The following KIR3DL2 variants were observed in gnomAD, a reference collection of about 807,000 sequenced individuals.
KIR3DL2 encodes killer cell immunoglobulin like receptor, three Ig domains and long cytoplasmic tail 2.
KIR3DL2 carries 42 observed loss-of-function variants against 41.6 expected under a neutral mutation model. The ratio of observed to expected loss-of-function variants is 1.01; its 90% CI spans 0.79 to 1.31. The LOEUF is 1.31. KIR3DL2 is among the 50% of genes most tolerant of loss of function. The pLI is 0.00. For missense variants in KIR3DL2, 728 were observed against 576.8 expected, an observed-to-expected ratio of 1.26 and a Z score of -2.68; for synonymous variants, 230 against 221.3, an observed-to-expected ratio of 1.04 and a Z score of -0.35.
intron 2 of KIR3DL2, 49 bp from the exon 3 acceptor site, chr19:54,851,949 G>T (rs1362048528): frequency 6.3e-7 from 1 of 1,591,382 alleles, no homozygotes; most frequent in East Asian, 2.3e-5. Flanking sequence ...AGGGAGGGAG[G>T]GGTGGCTCCA....
intron 6 of KIR3DL2, among the ~76,000 whole-genome samples, chr19:54,861,519 C>T (rs2065181601): frequency 6.6e-6 from 1 of 151,586 alleles, no homozygotes; most frequent in South Asian, 2.1e-4. Context: ...GATGGTGGTG[C>T]ATGACTGTAA....
At chr19:54,864,300 A>T (rs1276377615) in intron 6 of KIR3DL2, among the ~76,000 whole-genome samples, 2 of 152,228 alleles carry the variant, frequency 1.3e-5, no homozygotes, top group South Asian at 4.1e-4. Flanking sequence ...TGATGCCTCC[A>T]GCTTTGTTCT....
chr19:54,859,329 G>T (rs1164535907), intron 6 of KIR3DL2, among the ~76,000 whole-genome samples, 200 bp downstream of exon 6: 1 of 152,018 alleles, frequency 6.6e-6, no homozygotes, highest in Non-Finnish European at 1.5e-5. Context: ...TTAATTTCCT[G>T]CAGGTGAGAC....
At chr19:54,851,964 C>T (rs770813110) in intron 2 of KIR3DL2, 34 bp from the exon 3 acceptor site, 23 of 1,601,664 alleles carry the variant, frequency 1.4e-5, no homozygotes, top group Non-Finnish European at 1.7e-5. Context: ...GCTCCACATC[C>T]TCCTCTCTAA....
chr19:54,860,796 G>A (rs4806454), intron 6 of KIR3DL2, among the ~76,000 whole-genome samples: 25,939 of 139,100 alleles, frequency 0.19, 2,621 homozygotes, highest in East Asian at 0.6. Flanking sequence ...AAAGATTGGC[G>A]GAAGGATTTT....
Position 54,851,246 on chromosome 19 carries a change from C to A in KIR3DL2, c.61C>A (p.Pro21Thr). The A allele has an allele frequency of 1.2e-6, 2 of 1,609,168 alleles. No individual in the cohort carries two copies. Among genetic ancestry groups the A allele is most frequent in the South Asian group, 1.1e-5 (1 of 91,006 alleles). ...GTTCTTCTTGCTGCAGGGGGCCTGG[C>A]CACTCATGGGTGAGTCCGTCCCCAA... ...VGFFLLQGAW[P>T]LMGGQDKPFL... Residue 21 changes from proline (P) to threonine (T), a missense_variant, in exon 2 of 9, where the codon CCA becomes ACA. Pro to Thr is a conservative substitution (Grantham distance 38). Coordinates refer to ENST00000326321, the MANE Select transcript of KIR3DL2 (RefSeq NM_006737.4).
At chr19:54,862,246 T>A (rs374691701) in intron 6 of KIR3DL2, among the ~76,000 whole-genome samples, 49 of 152,114 alleles carry the variant, frequency 3.2e-4, no homozygotes, top group African/African-American at 1.1e-3. Context: ...CTACTTTGCT[T>A]TTTTGATCTT....
intron 5 of KIR3DL2, among the ~76,000 whole-genome samples, chr19:54,858,792 C>T (rs536236112): frequency 1.1e-3 from 170 of 152,114 alleles, no homozygotes; most frequent in Admixed American, 8.8e-3. Context: ...CCATTCTGTT[C>T]CATTTTTTAT....
chr19:54,853,261 A>G (rs1424492253), intron 3 of KIR3DL2, among the ~76,000 whole-genome samples: 3 of 151,678 alleles, frequency 2.0e-5, no homozygotes, highest in Non-Finnish European at 4.4e-5. Flanking sequence ...GGACCACCCT[A>G]TGGAAGCTGG....
rs673568 is a variant in KIR3DL2 at position 54,853,873 on chromosome 19, C to G, written c.482C>G (p.Ser161Cys). ...TTCTTTCTGCACAGAGAGGGGATCT[C>G]TGAGGACCCCTCACGCCTCGTTGGA... ...EHFFLHREGI[S>C]EDPSRLVGQI... The change falls in exon 4 of 9, where the codon TCT becomes TGT. Residue 161 changes from serine (S) to cysteine (C), a missense_variant. Physicochemically the swap from Ser to Cys is moderately radical, Grantham distance 112. Transcript: ENST00000326321. 1.2e-6 allele frequency: 2 copies of G among 1,613,162 alleles called. No homozygotes were observed. Among genetic ancestry groups the G allele is most frequent in the Admixed American group, 1.7e-5 (1 of 59,986 alleles).
At chr19:54,856,039 G>GC in intron 5 of KIR3DL2, 127 bp downstream of exon 5, 1 of 1,229,964 alleles carries the variant, frequency 8.1e-7, no homozygotes, top group African/African-American at 1.5e-5. Flanking sequence ...GTGAGGGGGG[G>GC]GTCAGGGTGC....
intron 5 of KIR3DL2, among the ~76,000 whole-genome samples, chr19:54,857,191 A>G (rs2064851066): frequency 6.6e-6 from 1 of 151,084 alleles, no homozygotes; most frequent in Non-Finnish European, 1.5e-5. Flanking sequence ...CTAGGTTCAA[A>G]CGATTCTCCT....
At chr19:54,863,770 G>A (rs541051626) in intron 6 of KIR3DL2, among the ~76,000 whole-genome samples, 1 of 152,096 alleles carries the variant, frequency 6.6e-6, no homozygotes, top group South Asian at 2.1e-4. Flanking sequence ...TTTGTCAGAT[G>A]AGTAGGTTGC....
intron 2 of KIR3DL2, 134 bp from the exon 3 acceptor site, chr19:54,851,864 G>C: frequency 1.9e-6 from 2 of 1,031,306 alleles, no homozygotes; most frequent in Non-Finnish European, 1.4e-6. Context: ...TGTGGGGTGG[G>C]TCCTTCCTGT....
chr19:54,855,754 G>A lies in KIR3DL2; in HGVS notation c.791G>A (p.Arg264His), dbSNP rs759038729. 3.8e-4 allele frequency: 619 copies of A among 1,613,342 alleles called. 5 individuals are homozygous for A. The highest frequency in any genetic ancestry group is 4.8e-4 in the Non-Finnish European group (570 of 1,179,916). Residue 264 changes from arginine to histidine, a missense_variant, in exon 5 of 9, where the codon CGT becomes CAT. Transcript: ENST00000326321. ...HLSREGEAHE[R>H]RLRAVPKVNR... ...TCCAGGGAAGGGGAGGCCCATGAACGTAGGCTCCGTGCAGTGCCCAAGGTC... is the reference window on the plus strand; with the variant it reads ...TCCAGGGAAGGGGAGGCCCATGAACATAGGCTCCGTGCAGTGCCCAAGGTC...
chr19:54,866,316 A>G (rs546293196), intron 7 of KIR3DL2, 54 bp from the exon 8 acceptor site: 12 of 1,596,202 alleles, frequency 7.5e-6, no homozygotes, highest in Non-Finnish European at 1.0e-5. Context: ...TGCCCATGAA[A>G]TGAGGACCCA....
rs1485527817 is a variant in KIR3DL2, at chr19:54,866,393, C to T, written c.1129C>T (p.Pro377Ser). ...AGATGCTGCTGTAATGGACCAAGAG[C>T]CTGCGGGGGACAGAACAGTGAATAG... ...KKNAAVMDQE[P>S]AGDRTVNRQD... The change falls in exon 8 of 9, where the codon CCT becomes TCT. Residue 377 changes from proline (P) to serine (S), a missense_variant. Transcript: ENST00000326321. The T allele has an allele frequency of 3.7e-6, 6 of 1,613,974 alleles. No homozygotes were observed. The highest frequency in any genetic ancestry group is 5.1e-6 in the Non-Finnish European group (6 of 1,179,962).
chr19:54,853,974 TG>T lies in KIR3DL2; in HGVS notation c.584del (p.Cys195PhefsTer22). The T allele has an allele frequency of 6.2e-7, 1 of 1,613,298 alleles. No homozygotes were observed. Among genetic ancestry groups the T allele is most frequent in the Non-Finnish European group, 8.5e-7 (1 of 1,179,824 alleles). ...GCCTGTCCTTGCAGGAACCTACAGA[TG>T]TTATGGTTCTGTTCCTCACTCCCCC... ...LMPVLAGTYR[C>X]YGSVPHSPYQ... On this transcript the variant is annotated frameshift_variant, in exon 4 of 9. Coordinates refer to ENST00000326321, the MANE Select transcript of KIR3DL2 (RefSeq NM_006737.4). LOFTEE classifies it high-confidence loss of function.
intron 6 of KIR3DL2, among the ~76,000 whole-genome samples, chr19:54,864,343 C>CT (rs1259081352): frequency 6.6e-6 from 1 of 152,022 alleles, no homozygotes; most frequent in Non-Finnish European, 1.5e-5. Flanking sequence ...AATGCAGGCT[C>CT]TTTTTTGATT....
Sources: allele counts gnomAD v4.1 joint callset (sites outside exome capture counted in the v4.1 genomes callset), GRCh38; gene constraint gnomAD v4.1.1; transcripts MANE v1.5; gene names NCBI Gene and HGNC (gene_info 2026-07-23, HGNC 2026-07-21).